The following ADAMTS6 variants were observed in gnomAD, a reference collection of about 807,000 sequenced individuals.
ADAMTS6 encodes A disintegrin and metalloproteinase with thrombospondin motifs 6.
ADAMTS6 carries 23 observed loss-of-function variants against 144.3 expected under a neutral mutation model. The ratio of observed to expected loss-of-function variants is 0.16; its 90% CI spans 0.11 to 0.23. ADAMTS6 has a LOEUF of 0.23. Ranked by LOEUF, ADAMTS6 falls within the 10% of genes least tolerant of loss-of-function variation. ADAMTS6 has a pLI of 1.00. For synonymous variants in ADAMTS6, 444 were observed against 457.5 expected (o/e 0.97, Z 0.38); for missense variants, 999 against 1,379.6 (o/e 0.72, Z 4.37).
intron 1 of ADAMTS6, among the ~76,000 whole-genome samples, chr5:65,477,763 A>ATT (rs201927162): frequency 0.091 from 12,938 of 141,822 alleles, 1,765 homozygotes; most frequent in African/African-American, 0.3. Flanking sequence ...CCCTCCCCAC[A>ATT]TTTTTTTTTT....
At chr5:65,187,416 A>T (rs1235207903) in intron 22 of ADAMTS6, among the ~76,000 whole-genome samples, 1 of 152,184 alleles carries the variant, frequency 6.6e-6, no homozygotes, top group African/African-American at 2.4e-5. Context: ...GATCAAGTCA[A>T]ATTTGATGTT....
intron 7 of ADAMTS6, among the ~76,000 whole-genome samples, chr5:65,449,349 C>T (rs2150245756): frequency 6.6e-6 from 1 of 152,296 alleles, no homozygotes; most frequent in South Asian, 2.1e-4. Context: ...GGCGCGGTGG[C>T]TCACGCCTGT....
chr5:65,436,636 G>A (rs1463562606), intron 7 of ADAMTS6, among the ~76,000 whole-genome samples: 1 of 152,044 alleles, frequency 6.6e-6, no homozygotes, highest in South Asian at 2.1e-4. Flanking sequence ...AGGAGTTCGA[G>A]GCCAGCCTGG....
At chr5:65,266,745 G>A (rs1761655380) in intron 12 of ADAMTS6, among the ~76,000 whole-genome samples, 1 of 151,826 alleles carries the variant, frequency 6.6e-6, no homozygotes, top group Non-Finnish European at 1.5e-5. Context: ...AAAAACCTAC[G>A]GAACAACTTG....
chr5:65,290,091 C>G (rs1295775537), intron 11 of ADAMTS6, among the ~76,000 whole-genome samples: 1 of 152,092 alleles, frequency 6.6e-6, no homozygotes, highest in African/African-American at 2.4e-5. Context: ...TAAAGCCTAA[C>G]AAGAATAATA....
At chr5:65,259,817 T>C (rs1399958382) in intron 14 of ADAMTS6, among the ~76,000 whole-genome samples, 2 of 152,212 alleles carry the variant, frequency 1.3e-5, no homozygotes. Flanking sequence ...TGCATATTTA[T>C]AAAATCACCA....
chr5:65,219,495 A>G (rs1212578908), intron 18 of ADAMTS6, among the ~76,000 whole-genome samples: 3 of 152,270 alleles, frequency 2.0e-5, no homozygotes, highest in African/African-American at 7.2e-5. Context: ...GTGAATAGAT[A>G]GAAAAAGATT....
At chr5:65,375,523 C>G (rs1203193572) in intron 7 of ADAMTS6, among the ~76,000 whole-genome samples, 3 of 152,210 alleles carry the variant, frequency 2.0e-5, no homozygotes, top group East Asian at 1.9e-4. Flanking sequence ...CTCACCATCA[C>G]TGGCCATCAG....
Position 65,215,402 on chromosome 5 carries a change from A to G in ADAMTS6, c.2358T>C (p.Ala786=). 6.2e-7 allele frequency: 1 copy of G among 1,614,098 alleles called. No individual in the cohort carries two copies. The highest frequency in any genetic ancestry group is 1.1e-5 in the South Asian group (1 of 91,066). Residue 786 remains alanine, a synonymous_variant, in exon 19 of 25, where the codon GCT becomes GCC. Transcript: ENST00000381055. ...CATCAGTTGGTCTCTTGTAATGAAA[A>G]GCTGTCCCAGCAACATCAAATTTCC... ...WPRKFDVAGT[A]FHYKRPTDEP...
intron 9 of ADAMTS6, among the ~76,000 whole-genome samples, chr5:65,301,388 G>A (rs928392010): frequency 1.3e-5 from 2 of 152,182 alleles, no homozygotes; most frequent in Admixed American, 6.5e-5. Flanking sequence ...TCACTAGAGT[G>A]TAAAATAGAT....
chr5:65,439,364 G>A (rs1757699776), intron 7 of ADAMTS6, among the ~76,000 whole-genome samples: 1 of 151,848 alleles, frequency 6.6e-6, no homozygotes, highest in African/African-American at 2.4e-5. Context: ...GAAACATGGT[G>A]GACATTAGAT....
At chr5:65,241,063 T>C (rs1046662009) in intron 15 of ADAMTS6, among the ~76,000 whole-genome samples, 1 of 152,014 alleles carries the variant, frequency 6.6e-6, no homozygotes, top group Non-Finnish European at 1.5e-5. Context: ...GTACGATGGA[T>C]TAATAAATGG....
intron 9 of ADAMTS6, among the ~76,000 whole-genome samples, chr5:65,300,891 AAAGTGCT>A (rs1743305012): frequency 6.6e-6 from 1 of 152,160 alleles, no homozygotes; most frequent in Non-Finnish European, 1.5e-5. Flanking sequence ...TCAGCCTCCC[AAAGTGCT>A]GGGATTAAAG....
chr5:65,247,980 C>T (rs906870211), intron 14 of ADAMTS6, among the ~76,000 whole-genome samples: 8 of 152,082 alleles, frequency 5.3e-5, no homozygotes, highest in African/African-American at 1.4e-4. Flanking sequence ...CAACCCCTGC[C>T]ATGCTTAGCA....
chr5:65,425,452 C>G (rs142491217), intron 7 of ADAMTS6, among the ~76,000 whole-genome samples: 32 of 152,340 alleles, frequency 2.1e-4, no homozygotes, highest in Middle Eastern at 3.4e-3. Flanking sequence ...TTTTCCATAC[C>G]TGTAAATGCA....
At chr5:65,408,380 C>T (rs555953747) in intron 7 of ADAMTS6, among the ~76,000 whole-genome samples, 1 of 152,146 alleles carries the variant, frequency 6.6e-6, no homozygotes, top group African/African-American at 2.4e-5. Context: ...TTTAAACCAA[C>T]AAAGATCAAA....
intron 3 of ADAMTS6, among the ~76,000 whole-genome samples, chr5:65,465,338 A>G (rs1173258629): frequency 6.6e-6 from 1 of 152,130 alleles, no homozygotes; most frequent in African/African-American, 2.4e-5. Flanking sequence ...ATTTTTCCCT[A>G]TTATTATGGA....
intron 9 of ADAMTS6, among the ~76,000 whole-genome samples, chr5:65,300,383 T>C (rs918562850): frequency 2.6e-5 from 4 of 152,204 alleles, no homozygotes; most frequent in African/African-American, 9.6e-5. Context: ...ACGTTTCAAT[T>C]TCTCTTTGAG....
intron 17 of ADAMTS6, 137 bp downstream of exon 17, chr5:65,224,787 T>C (rs2287906): frequency 0.54 from 545,838 of 1,010,588 alleles, 150,977 homozygotes; most frequent in African/African-American, 0.82. Context: ...AACACTAAAA[T>C]GACTGAAAGC....
Sources: gnomAD v4.1 joint callset for allele counts (sites outside exome capture counted in the v4.1 genomes callset) on GRCh38, gnomAD v4.1.1 for gene constraint, MANE v1.5 for transcripts, NCBI Gene and HGNC (gene_info 2026-07-23, HGNC 2026-07-21) for gene names.